Variants in SND1 observed in about 807,000 individuals in gnomAD.
SND1 encodes the protein staphylococcal nuclease domain-containing protein 1.
A neutral mutation model predicts 121.7 loss-of-function variants in SND1; 38 were observed. That is an observed-to-expected ratio of 0.31 (90% confidence interval 0.24 to 0.41). The LOEUF is 0.41. Ranked by LOEUF, SND1 falls within the 10% of genes least tolerant of loss-of-function variation. The pLI is 1.00. For missense variants in SND1, 868 were observed against 1,184.6 expected, an observed-to-expected ratio of 0.73 and a Z score of 3.92; for synonymous variants, 401 against 447.4, an observed-to-expected ratio of 0.90 and a Z score of 1.31.
intron 10 of SND1, among the ~76,000 whole-genome samples, chr7:127,806,073 TAAAG>T (rs1040251217): frequency 3.3e-5 from 5 of 152,176 alleles, no homozygotes; most frequent in Admixed American, 2.6e-4. Flanking sequence ...TCTGGGGAGT[TAAAG>T]AAAAACAAAT....
In SND1 at chr7:128,013,975, C is replaced by T. The variant is rs138230118; in HGVS notation, c.1779+22919C>T. On this transcript the variant is annotated intron_variant, in intron 16 of 23. Transcript: ENST00000354725. Reference sequence around the variant, plus strand: ...GGGTAATCTCTCTGTGCCTTGGTTTCTCCCACTTGATATTCACAGGTCTCT... The same window carrying T: ...GGGTAATCTCTCTGTGCCTTGGTTTTTCCCACTTGATATTCACAGGTCTCT... Among the ~76,000 whole-genome samples, 613 of 152,352 alleles carry T rather than the reference C, an allele frequency of 4.0e-3. 24 individuals carry two copies. Among genetic ancestry groups the T allele is most frequent in the Admixed American group, 0.037 (561 of 15,312 alleles).
At chr7:128,032,539 C>T (rs953679379) in intron 16 of SND1, among the ~76,000 whole-genome samples, 3 of 151,838 alleles carry the variant, frequency 2.0e-5, no homozygotes, top group African/African-American at 7.2e-5. Context: ...CGGCCCCCGC[C>T]CTCCGGCCCG....
intron 12 of SND1, chr7:127,858,211 C>A: frequency 1.3e-6 from 1 of 784,332 alleles, no homozygotes; most frequent in Non-Finnish European, 2.3e-6. Flanking sequence ...ACTGTTCCCT[C>A]GTTTCCTGGT....
rs1361591569 is a variant in SND1 at position 127,702,511 on chromosome 7, G to T, written c.666G>T (p.Met222Ile). ...CAGATTACTACCTGGTTACAGTCAT[G>T]CTGTCAGGCATCAAGGTCAGACCAT... ...LLPDYYLVTV[M>I]LSGIKCPTFR... The change falls in exon 6 of 24, where the codon ATG becomes ATT. Residue 222 changes from methionine to isoleucine, a missense_variant. By Grantham distance (10) the Met-to-Ile change is conservative. This residue lies in a region of SND1 where 743 missense variants were observed against 1,071.3 expected (regional missense o/e 0.69). Transcript: ENST00000354725. 5 of 1,614,066 alleles carry T rather than the reference G, an allele frequency of 3.1e-6. No individual in the cohort carries two copies. Among genetic ancestry groups the T allele is most frequent in the East Asian group, 2.2e-5 (1 of 44,878 alleles).
At chr7:127,922,946 C>A (rs1375614662) in intron 14 of SND1, among the ~76,000 whole-genome samples, 1 of 152,186 alleles carries the variant, frequency 6.6e-6, no homozygotes, top group Non-Finnish European at 1.5e-5. Flanking sequence ...GCTTTACCAA[C>A]CAAGTAAACA....
intron 11 of SND1, among the ~76,000 whole-genome samples, chr7:127,818,273 G>A (rs1396454929): frequency 6.6e-6 from 1 of 152,154 alleles, no homozygotes; most frequent in African/African-American, 2.4e-5. Context: ...CTGATTGGCA[G>A]CATGCTTGTT....
intron 16 of SND1, among the ~76,000 whole-genome samples, chr7:128,025,122 T>A (rs1489797284): frequency 6.6e-6 from 1 of 152,224 alleles, no homozygotes; most frequent in African/African-American, 2.4e-5. Context: ...GTCTAACCCC[T>A]TAGCACATGT....
At chr7:127,952,384 A>G (rs981972573) in intron 15 of SND1, among the ~76,000 whole-genome samples, 1 of 152,244 alleles carries the variant, frequency 6.6e-6, no homozygotes, top group African/African-American at 2.4e-5. Flanking sequence ...TGAAGACTGC[A>G]TCTAAATAGA....
chr7:127,937,219 G>A (rs1310956759), intron 15 of SND1, among the ~76,000 whole-genome samples: 2 of 152,194 alleles, frequency 1.3e-5, no homozygotes. Flanking sequence ...ATTACAGGGT[G>A]AGGCAGGCAG....
At chr7:127,847,437 G>A (rs1238984453) in intron 12 of SND1, among the ~76,000 whole-genome samples, 1 of 151,990 alleles carries the variant, frequency 6.6e-6, no homozygotes, top group African/African-American at 2.4e-5. Flanking sequence ...CAGAGAAGAG[G>A]CTTTTTAAAA....
intron 16 of SND1, among the ~76,000 whole-genome samples, chr7:128,020,151 A>T (rs1269653479): frequency 6.6e-6 from 1 of 152,228 alleles, no homozygotes; most frequent in South Asian, 2.1e-4. Flanking sequence ...CAGAGCACAC[A>T]TGCCCTGAAG....
intron 18 of SND1, 151 bp from the exon 19 acceptor site, chr7:128,084,573 G>A (rs1793657490): frequency 1.4e-6 from 1 of 701,314 alleles, no homozygotes; most frequent in Non-Finnish European, 2.1e-6. Context: ...GACCAAGAGG[G>A]CTTCCCCGCA....
intron 2 of SND1, among the ~76,000 whole-genome samples, chr7:127,691,475 C>T (rs1262450212): frequency 6.6e-6 from 1 of 151,694 alleles, no homozygotes; most frequent in Non-Finnish European, 1.5e-5. Flanking sequence ...ACCCGGGAAG[C>T]GGAGGTTGCA....
At chr7:127,829,576 T>G (rs1421908739) in intron 11 of SND1, among the ~76,000 whole-genome samples, 1 of 152,202 alleles carries the variant, frequency 6.6e-6, no homozygotes, top group Admixed American at 6.5e-5. Flanking sequence ...TTTCTCTTAT[T>G]ATTAAAAATA....
intron 15 of SND1, among the ~76,000 whole-genome samples, chr7:127,935,922 G>T (rs1801051905): frequency 6.6e-6 from 1 of 152,186 alleles, no homozygotes; most frequent in Admixed American, 6.5e-5. Context: ...CTTCAAGGTG[G>T]GGTGGACACT....
At chr7:127,920,955 T>C (rs1161009440) in intron 14 of SND1, among the ~76,000 whole-genome samples, 2 of 152,124 alleles carry the variant, frequency 1.3e-5, no homozygotes, top group Non-Finnish European at 2.9e-5. Context: ...AGGCAATGAC[T>C]TCATTTCTAA....
chr7:127,763,916 A>G (rs1167077039), intron 10 of SND1, among the ~76,000 whole-genome samples: 3 of 152,092 alleles, frequency 2.0e-5, no homozygotes, highest in African/African-American at 7.2e-5. Flanking sequence ...AGATTAAAAC[A>G]AATCAGCTGG....
At position 127,771,378 on chromosome 7, in the gene SND1, C is replaced by T. The variant is rs981212825; in HGVS notation, c.1153-36106C>T. ...GGCCAAGCTGTGAGCTAGTCAGGTGCCTTATGTGTTCATGTTCTTCCAAAT... is the reference window on the plus strand; with the variant it reads ...GGCCAAGCTGTGAGCTAGTCAGGTGTCTTATGTGTTCATGTTCTTCCAAAT... On this transcript the variant is annotated intron_variant, in intron 10 of 23. Coordinates refer to ENST00000354725, the MANE Select transcript of SND1 (RefSeq NM_014390.4). Among the ~76,000 whole-genome samples the T allele has an allele frequency of 3.2e-4, 48 of 152,238 alleles. 1 individual carries two copies. Among genetic ancestry groups the T allele is most frequent in the African/African-American group, 1.1e-3 (47 of 41,530 alleles).
chr7:127,718,179 G>A (rs1410294916), intron 9 of SND1, among the ~76,000 whole-genome samples: 5 of 152,080 alleles, frequency 3.3e-5, no homozygotes, highest in Non-Finnish European at 7.4e-5. Flanking sequence ...GGGTGTGAGC[G>A]TGCATGGGGT....
Sources: gnomAD v4.1 joint callset for allele counts (sites outside exome capture counted in the v4.1 genomes callset) on GRCh38, gnomAD v4.1.1 for gene constraint, gnomAD v4.1.1 regional missense constraint, MANE v1.5 for transcripts, NCBI Gene and HGNC (gene_info 2026-07-23, HGNC 2026-07-21) for gene names.